ARL17A: variants seen among roughly 807,000 people sequenced by gnomAD.
The protein encoded by ARL17A is ADP-ribosylation factor-like 17-like.
downstream of ARL17A, chr17:46,528,724 C>G (rs1202176016): frequency 3.5e-6 from 2 of 572,086 alleles, no homozygotes; most frequent in African/African-American, 2.7e-5. Context: ...GACTTCATCT[C>G]AAAAAAAAAA....
chr17:46,568,514 A>G (rs2552440), intron 3 of ARL17A, among the ~76,000 whole-genome samples: 99,709 of 108,530 alleles, frequency 0.92, 47,440 homozygotes, highest in East Asian at 0.99. Flanking sequence ...AAAAAAAAAG[A>G]GGGGGGGAGG....
chr17:46,528,714 G>C (rs1449082605), downstream of ARL17A: 1 of 655,636 alleles, frequency 1.5e-6, no homozygotes, highest in Non-Finnish European at 2.7e-6. Context: ...AACAGAGTGA[G>C]ACTTCATCTC....
At chr17:46,528,684 C>T, downstream of ARL17A, 2 of 600,128 alleles carry the variant, frequency 3.3e-6, no homozygotes, top group Non-Finnish European at 5.8e-6. Flanking sequence ...CACACCACTG[C>T]ACTGCACTCC....
intron 4 of ARL17A, among the ~76,000 whole-genome samples, chr17:46,534,390 G>A (rs1406839498): frequency 2.7e-5 from 4 of 146,552 alleles, no homozygotes; most frequent in Non-Finnish European, 6.0e-5. Context: ...TTAGGGAGTG[G>A]TGATGACTCT....
the ARL17A span, among the ~76,000 whole-genome samples, chr17:46,503,375 C>T: frequency 1.3e-5 from 2 of 148,940 alleles, no homozygotes; most frequent in Non-Finnish European, 2.9e-5. Flanking sequence ...GTGCTTTGTT[C>T]TGGGAATGAA....
chr17:46,568,930 CT>C lies in ARL17A; in HGVS notation c.259+1828del, dbSNP rs1213869251. 9.3e-4 allele frequency among the ~76,000 whole-genome samples: 115 copies of C among 124,318 alleles called. No individual in the cohort carries two copies. In the Admixed American group the frequency reaches 9.8e-3, roughly 11 times the overall value. The allele number at this position is 124,318 out of a possible 152,430, so 81.6% of individuals were successfully genotyped here. ...ATGTAGAAAAGATGTAGAAAGGATA[CT>C]TTTTTTTTCTCTTTTTTTTTTTTTT... is the stretch of plus-strand genomic sequence containing the variant. On this transcript the variant is annotated intron_variant, in intron 3 of 3. Transcript: ENST00000336125.
At position 46,554,146 on chromosome 17, in the gene ARL17A, G is replaced by C. The variant is rs1200620119; in HGVS notation, c.*3210C>G. ...CTATTCCTTTTATGCAAACCTCACA[G>C]AATTTTAACCAGAAAGGCCAGGCAG... is the stretch of plus-strand genomic sequence containing the variant. On this transcript the variant is annotated 3_prime_UTR_variant, in exon 4 of 4. Transcript: ENST00000336125. 1.2e-6 allele frequency: 1 copy of C among 839,610 alleles called. No individual in the cohort carries two copies. Among genetic ancestry groups the C allele is most frequent in the South Asian group, 5.4e-5 (1 of 18,584 alleles). 52.0% of individuals were successfully genotyped at this position (839,610 alleles called of 1,614,324 possible).
the ARL17A span, among the ~76,000 whole-genome samples, chr17:46,501,751 C>T: frequency 1.2e-4 from 18 of 151,324 alleles, 3 homozygotes; most frequent in African/African-American, 4.4e-4. Flanking sequence ...TTTCAAGGAC[C>T]GATTTCAATT....
chr17:46,543,404 G>C (rs2055758979), intron 3 of ARL17A, among the ~76,000 whole-genome samples: 1 of 150,938 alleles, frequency 6.6e-6, no homozygotes, highest in Non-Finnish European at 1.5e-5. Context: ...GGAGACTAAA[G>C]AATCATGTAC....
At chr17:46,551,119 A>T (rs569871808), downstream of ARL17A, among the ~76,000 whole-genome samples, 7 of 149,626 alleles carry the variant, frequency 4.7e-5, 2 homozygotes, top group African/African-American at 1.5e-4. Context: ...CTGAGCCTAG[A>T]CCCTCTGTGA....
chr17:46,551,015 G>A (rs1425718675), downstream of ARL17A, among the ~76,000 whole-genome samples: 1 of 149,848 alleles, frequency 6.7e-6, no homozygotes, highest in East Asian at 1.9e-4. Flanking sequence ...AATAGGTCCA[G>A]TTAAAGCACT....
At chr17:46,525,620 C>T (rs55904620), downstream of ARL17A, among the ~76,000 whole-genome samples, 9 of 107,046 alleles carry the variant, frequency 8.4e-5, no homozygotes, top group African/African-American at 2.5e-4. Context: ...TAATAATCAT[C>T]ATCATCATCA....
downstream of ARL17A, among the ~76,000 whole-genome samples, chr17:46,525,527 C>T (rs1212498178): frequency 1.8e-5 from 2 of 111,458 alleles, no homozygotes; most frequent in Admixed American, 1.7e-4. Context: ...GCGGAGGTTG[C>T]AGTGAGCCGA....
chr17:46,526,413 G>T (rs1428927875), downstream of ARL17A, among the ~76,000 whole-genome samples: 2 of 102,532 alleles, frequency 2.0e-5, no homozygotes, highest in East Asian at 4.9e-4. Flanking sequence ...CCCCAGCTGT[G>T]GTTGATCGAT....
At chr17:46,550,691 C>T, downstream of ARL17A, 3 of 684,628 alleles carry the variant, frequency 4.4e-6, no homozygotes, top group South Asian at 4.5e-5. Context: ...GTGTATATTT[C>T]AGGATTTTTA....
In ARL17A at chr17:46,534,780, A is replaced by G. The variant is rs1320594906; in HGVS notation, c.335+3571T>C. On this transcript the variant is annotated intron_variant, in intron 4 of 4. Coordinates refer to the ARL17A transcript ENST00000329240. ...CTTCCCAGAAGGGGCAGCCGGGCAG[A>G]GGCGCCCCCCCACCTCCCGGAGGGG... is the stretch of plus-strand genomic sequence containing the variant. 6.1e-5 allele frequency among the ~76,000 whole-genome samples: 9 copies of G among 147,668 alleles called. No individual in the cohort carries two copies. In the East Asian group the frequency reaches 1.2e-3, roughly 20 times the overall value.
At chr17:46,502,764 T>A in the ARL17A span, among the ~76,000 whole-genome samples, 1 of 151,318 alleles carries the variant, frequency 6.6e-6, no homozygotes. Flanking sequence ...AGGGAAATGG[T>A]CACCAGCAAG....
intron 3 of ARL17A, among the ~76,000 whole-genome samples, chr17:46,568,858 C>G (rs1339736692): frequency 8.3e-6 from 1 of 119,900 alleles, no homozygotes; most frequent in African/African-American, 3.4e-5. Flanking sequence ...AGAGGCAAAA[C>G]AACAAAATGC....
chr17:46,547,959 G>A, downstream of ARL17A: 6 of 37,576 alleles, frequency 1.6e-4, no homozygotes, highest in South Asian at 1.2e-3. Flanking sequence ...CACAGGGTAC[G>A]GAGCAGTCTG....
Sources: gnomAD v4.1 joint callset for allele counts (sites outside exome capture counted in the v4.1 genomes callset) on GRCh38, gnomAD v4.1.1 for gene constraint, MANE v1.5 for transcripts, NCBI Gene and HGNC (gene_info 2026-07-23, HGNC 2026-07-21) for gene names.